The following GNAS variants were observed in gnomAD, a reference collection of about 807,000 sequenced individuals.
The protein encoded by GNAS is GNAS complex locus.
GNAS carries 8 observed loss-of-function variants against 54.5 expected under a neutral mutation model. That is an observed-to-expected ratio of 0.15 (90% confidence interval 0.09 to 0.26). The LOEUF is 0.26. Among genes scored for constraint, GNAS ranks in the 10% least tolerant of loss-of-function variants. GNAS has a pLI of 1.00. For synonymous variants in GNAS, 204 were observed against 191.4 expected (o/e 1.07, Z -0.54); for missense variants, 170 against 529.8 (o/e 0.32, Z 6.67).
upstream of GNAS, among the ~76,000 whole-genome samples, chr20:58,890,466 G>T (rs2089080032): frequency 6.6e-6 from 1 of 152,070 alleles, no homozygotes; most frequent in East Asian, 2.0e-4. Flanking sequence ...CGCGCTGAGC[G>T]CCCACCTGCC....
At chr20:58,845,546 A>C (rs1321274147) in intron 1 of GNAS, among the ~76,000 whole-genome samples, 1 of 152,238 alleles carries the variant, frequency 6.6e-6, no homozygotes, top group Non-Finnish European at 1.5e-5. Context: ...TTCAAAAACA[A>C]AAAAATCTGG....
At chr20:58,862,642 C>T (rs954026585) in intron 1 of GNAS, among the ~76,000 whole-genome samples, 1 of 151,474 alleles carries the variant, frequency 6.6e-6, no homozygotes, top group Non-Finnish European at 1.5e-5. Context: ...AAAGTGCCAG[C>T]CATCTCATTC....
Position 58,841,742 on chromosome 20 carries a change from T to C in GNAS, c.43+856T>C. On this transcript the variant is annotated intron_variant, in intron 1 of 12. Transcript: ENST00000306090. The surrounding 1 kb of genome is among the most constrained non-coding windows in gnomAD (Gnocchi z 5.0). ...GCTACCAGGGTTGAACGCACAGGCA[T>C]GGTCACGTCGGGGTATTGCCAAGCT... 2 of 1,226,740 alleles carry C rather than the reference T, an allele frequency of 1.6e-6. No individual in the cohort carries two copies. Among genetic ancestry groups the C allele is most frequent in the South Asian group, 4.3e-5 (1 of 23,444 alleles). The allele number at this position is 1,226,740 out of a possible 1,614,324, so 76.0% of individuals were successfully genotyped here. A position where few individuals can be genotyped will look rare whatever the true frequency, so the allele number is the denominator to read the frequency against.
chr20:58,896,988 A>G (rs2057291), intron 2 of GNAS, among the ~76,000 whole-genome samples: 107,215 of 152,128 alleles, frequency 0.7, 38,074 homozygotes, highest in African/African-American at 0.78. Flanking sequence ...AGCTCCTTAT[A>G]GAGAATTCTA....
chr20:58,850,718 C>G, intron 1 of GNAS: 2 of 398,922 alleles, frequency 5.0e-6, no homozygotes, highest in East Asian at 7.1e-5. Flanking sequence ...TCAACACACC[C>G]AAGGGTTGGC....
upstream of GNAS, among the ~76,000 whole-genome samples, chr20:58,889,783 C>T (rs966749736): frequency 6.6e-5 from 10 of 151,012 alleles, no homozygotes; most frequent in Non-Finnish European, 1.2e-4. Flanking sequence ...CCAAGCCCCC[C>T]GACACGGGGC....
At chr20:58,854,658 C>G in intron 1 of GNAS, 2 of 1,529,886 alleles carry the variant, frequency 1.3e-6, no homozygotes, top group Non-Finnish European at 1.7e-6. Context: ...CCCAGCCGAT[C>G]CAGATGCCGG....
chr20:58,891,673 CCCGCGCCCGCCGCCGCCGCAGCCCGG>C lies in GNAS; in HGVS notation c.-45_-20del. ...GGCCCTCCCGGCCCGCGTGAGGCCG[CCCGCGCCCGCCGCCGCCGCAGCCCGG>C]CCGCGCCCCGCCGCCGCCGCCGCCG... On this transcript the variant is annotated 5_prime_UTR_variant, in exon 1 of 13. Transcript: ENST00000371085. The C allele has an allele frequency of 2.1e-6, 2 of 973,622 alleles. No homozygotes were observed. The highest frequency in any genetic ancestry group is 1.3e-4 in the Admixed American group (2 of 15,406). 60.3% of individuals were successfully genotyped at this position (973,622 alleles called of 1,614,324 possible). A position where few individuals can be genotyped will look rare whatever the true frequency, so the allele number is the denominator to read the frequency against.
chr20:58,903,902 T>C, intron 5 of GNAS, 111 bp downstream of exon 5: 1 of 1,111,872 alleles, frequency 9.0e-7, no homozygotes, highest in South Asian at 1.2e-5. Flanking sequence ...CAAACCACAC[T>C]TCAGGCAAAA....
chr20:58,840,826 C>G (rs112322423), upstream of GNAS: 2 of 1,612,792 alleles, frequency 1.2e-6, no homozygotes, highest in South Asian at 1.1e-5. This position sits in a 1 kb window ranked among gnomAD's most constrained non-coding sequence, Gnocchi z 6.0. Flanking sequence ...AGGGACCCAT[C>G]CCCATCCGGC....
chr20:58,906,613 C>T (rs1312111712), intron 6 of GNAS, among the ~76,000 whole-genome samples: 3 of 152,162 alleles, frequency 2.0e-5, no homozygotes, highest in Non-Finnish European at 2.9e-5. Flanking sequence ...CTCACTGCAA[C>T]CTCTGCCTCC....
At position 58,853,922 on chromosome 20, in the gene GNAS, C is replaced by T. The variant is rs752004692; in HGVS notation, c.43+13036C>T. 269 of 1,610,250 alleles carry T rather than the reference C, an allele frequency of 1.7e-4. No individual in the cohort carries two copies. The highest frequency in any genetic ancestry group is 2.2e-4 in the Non-Finnish European group (256 of 1,178,774). ...GCTCCAGAGGAGGCTACAGCCCTCC[C>T]CCTGAGGAGACTATGCCATTTGAGC... is the stretch of plus-strand genomic sequence containing the variant. On this transcript the variant is annotated intron_variant, in intron 1 of 12. Transcript: ENST00000306090. The surrounding 1 kb of genome is among the most constrained non-coding windows in gnomAD (Gnocchi z 4.4).
At chr20:58,892,000 TG>T in intron 1 of GNAS, 135 bp downstream of exon 1, 2 of 725,478 alleles carry the variant, frequency 2.8e-6, no homozygotes, top group Non-Finnish European at 3.3e-6. Context: ...GCTCTGTCTG[TG>T]GGGGGCGAGG....
chr20:58,884,171 C>T (rs2088437111), intron 1 of GNAS, among the ~76,000 whole-genome samples: 1 of 152,158 alleles, frequency 6.6e-6, no homozygotes, highest in East Asian at 1.9e-4. Flanking sequence ...TGAAAATGAT[C>T]ACCTACATTT....
Position 58,909,474 on chromosome 20 carries a change from T to G in GNAS, c.660-47T>G, listed in dbSNP as rs75558001. 130 of 1,611,110 alleles carry G rather than the reference T, an allele frequency of 8.1e-5. No homozygotes were observed. The African/African-American group carries it at 1.3e-3, about 17-fold the overall frequency. On this transcript the variant is annotated intron_variant, in intron 8 of 12. Coordinates refer to ENST00000371085, the MANE Select transcript of GNAS (RefSeq NM_000516.7). This position sits in a 1 kb window ranked among gnomAD's most constrained non-coding sequence, Gnocchi z 7.3. ...TAACAGAGATCATGGTTTCTTGACATTCACCCCAGTCCCTCTGGAATAACC... is the reference window on the plus strand; with the variant it reads ...TAACAGAGATCATGGTTTCTTGACAGTCACCCCAGTCCCTCTGGAATAACC...
At position 58,841,615 on chromosome 20, in the gene GNAS, C is replaced by T. The variant is rs183454229; in HGVS notation, c.43+729C>T. Reference sequence around the variant, plus strand: ...GCCTCAAAGAGCGTGCGCACCTGCCCGCGCGCGCCGGAGCTGACCTCTCCC... The same window carrying T: ...GCCTCAAAGAGCGTGCGCACCTGCCTGCGCGCGCCGGAGCTGACCTCTCCC... On this transcript the variant is annotated intron_variant, in intron 1 of 12. Transcript: ENST00000306090. The surrounding 1 kb of genome is among the most constrained non-coding windows in gnomAD (Gnocchi z 5.0). 2.9e-6 allele frequency: 3 copies of T among 1,048,612 alleles called. No individual in the cohort carries two copies. The African/African-American group carries it at 5.0e-5, about 18-fold the overall frequency. 65.0% of individuals were successfully genotyped at this position (1,048,612 alleles called of 1,614,324 possible). A position where few individuals can be genotyped will look rare whatever the true frequency, so the allele number is the denominator to read the frequency against.
chr20:58,894,579 T>G (rs568918013), intron 1 of GNAS, among the ~76,000 whole-genome samples: 27 of 152,360 alleles, frequency 1.8e-4, no homozygotes, highest in African/African-American at 6.3e-4. Context: ...GTGGATTATC[T>G]GTTGGAGAAT....
Position 58,909,605 on chromosome 20 carries a change from C to A in GNAS, c.718+26C>A, listed in dbSNP as rs748220077. The A allele has an allele frequency of 6.2e-7, 1 of 1,614,038 alleles. No individual in the cohort carries two copies. Among genetic ancestry groups the A allele is most frequent in the South Asian group, 1.1e-5 (1 of 91,082 alleles). On this transcript the variant is annotated intron_variant, in intron 9 of 12. Transcript: ENST00000371085. This position sits in a 1 kb window ranked among gnomAD's most constrained non-coding sequence, Gnocchi z 7.3. Reference sequence around the variant, plus strand: ...GTAGGATGCTGTGGGCTTGGCTGTTCGTAAAGAACGCTTTGCTTCTGTGTT... The same window carrying A: ...GTAGGATGCTGTGGGCTTGGCTGTTAGTAAAGAACGCTTTGCTTCTGTGTT...
At chr20:58,875,570 C>T (rs1254377307) in intron 1 of GNAS, among the ~76,000 whole-genome samples, 1 of 152,184 alleles carries the variant, frequency 6.6e-6, no homozygotes, top group Admixed American at 6.5e-5. Flanking sequence ...GCCTAGCAGC[C>T]CTCTAAGCAA....
Sources: allele counts gnomAD v4.1 joint callset (sites outside exome capture counted in the v4.1 genomes callset), GRCh38; gene constraint gnomAD v4.1.1; non-coding constraint Gnocchi (gnomAD v3.1); transcripts MANE v1.5; gene names NCBI Gene and HGNC (gene_info 2026-07-23, HGNC 2026-07-21).